NTRK2: variants seen among roughly 807,000 people sequenced by gnomAD.
The protein encoded by NTRK2 is neurotrophic receptor tyrosine kinase 2, also known as BDNF/NT-3 growth factors receptor.
A neutral mutation model predicts 94.5 loss-of-function variants in NTRK2; 13 were observed. The ratio of observed to expected loss-of-function variants is 0.14; its 90% CI spans 0.09 to 0.22. The LOEUF is 0.22. Ranked by LOEUF, NTRK2 falls within the 10% of genes least tolerant of loss-of-function variation. The pLI, the probability that NTRK2 is intolerant of heterozygous loss-of-function variation, is 1.00. For missense variants in NTRK2, 639 were observed against 1,071.2 expected (o/e 0.60, Z 5.63); for synonymous variants, 372 against 407.4 (o/e 0.91, Z 1.05).
In NTRK2 at chr9:84,937,774, C is replaced by T. The variant is rs143971228; in HGVS notation, c.1764+3482C>T. 5.9e-5 allele frequency among the ~76,000 whole-genome samples: 9 copies of T among 152,306 alleles called. No homozygotes were observed. In the East Asian group the frequency reaches 1.2e-3, roughly 20 times the overall value. The stretch of plus-strand genomic sequence containing the variant: ...TTAAGTAAGTCAATTGCCAAGGAAA[C>T]GCTTCATCGCAGTTTCCCTGCATTA... On this transcript the variant is annotated intron_variant, in intron 15 of 18. Coordinates refer to ENST00000277120, the MANE Select transcript of NTRK2 (RefSeq NM_006180.6).
At chr9:84,925,763 A>G (rs1433522039) in intron 14 of NTRK2, among the ~76,000 whole-genome samples, 1 of 152,212 alleles carries the variant, frequency 6.6e-6, no homozygotes, top group Non-Finnish European at 1.5e-5. Flanking sequence ...TTCTAGTGCT[A>G]TGCCCTCACT....
chr9:84,785,722 T>C (rs766126238), intron 12 of NTRK2, among the ~76,000 whole-genome samples: 1 of 152,236 alleles, frequency 6.6e-6, no homozygotes, highest in Non-Finnish European at 1.5e-5. Flanking sequence ...AATTGTGTAC[T>C]GCACCTTATT....
chr9:85,017,741 A>G (rs1240972247), intron 17 of NTRK2, among the ~76,000 whole-genome samples: 1 of 152,208 alleles, frequency 6.6e-6, no homozygotes, highest in Non-Finnish European at 1.5e-5. Context: ...CAACTCAGAC[A>G]GCATAACAAG....
chr9:84,966,019 C>G (rs983151883), intron 17 of NTRK2, among the ~76,000 whole-genome samples: 3 of 152,174 alleles, frequency 2.0e-5, no homozygotes, highest in Non-Finnish European at 2.9e-5. Flanking sequence ...CAGTGGCTTT[C>G]CCTGTTGATC....
intron 14 of NTRK2, among the ~76,000 whole-genome samples, chr9:84,911,035 A>G (rs1159941435): frequency 1.3e-5 from 2 of 152,168 alleles, no homozygotes; most frequent in African/African-American, 4.8e-5. Context: ...TGAACATAGT[A>G]TGTTTCTTAT....
intron 17 of NTRK2, among the ~76,000 whole-genome samples, chr9:85,017,973 G>A (rs1193018684): frequency 6.6e-6 from 1 of 152,162 alleles, no homozygotes; most frequent in Non-Finnish European, 1.5e-5. Flanking sequence ...AAAATAAGAT[G>A]TATAGCAGAA....
intron 9 of NTRK2, among the ~76,000 whole-genome samples, chr9:84,731,315 A>G (rs2062876005): frequency 6.6e-6 from 1 of 152,162 alleles, no homozygotes. Flanking sequence ...GTGTGCCTGT[A>G]GTCCCAGCTA....
intron 12 of NTRK2, chr9:84,813,483 C>G (rs200100030): frequency 1.9e-6 from 2 of 1,064,920 alleles, no homozygotes; most frequent in African/African-American, 3.3e-5. Context: ...TCTGTCTTCC[C>G]GTTGCAAATT....
chr9:84,799,244 G>GA (rs2070076207), intron 12 of NTRK2, among the ~76,000 whole-genome samples: 1 of 152,024 alleles, frequency 6.6e-6, no homozygotes, highest in South Asian at 2.1e-4. Context: ...GATCTACTCT[G>GA]TGCCTTCAAG....
intron 14 of NTRK2, among the ~76,000 whole-genome samples, chr9:84,904,048 A>C (rs1485471777): frequency 1.3e-5 from 2 of 152,100 alleles, no homozygotes; most frequent in Admixed American, 6.5e-5. Flanking sequence ...TCTCCTTTTA[A>C]ATCCGAAGTT....
At chr9:84,956,194 TC>T (rs1170860049) in intron 17 of NTRK2, among the ~76,000 whole-genome samples, 1 of 152,164 alleles carries the variant, frequency 6.6e-6, no homozygotes, top group Non-Finnish European at 1.5e-5. Context: ...CTTTGGAAGT[TC>T]CCTCCAAGCG....
At chr9:84,692,468 C>CTTTTTTTTTTTTTTTTTTTTTTTTTT (rs71369138) in intron 2 of NTRK2, among the ~76,000 whole-genome samples, 43 of 87,648 alleles carry the variant, frequency 4.9e-4, no homozygotes, top group Non-Finnish European at 6.0e-4. Context: ...TTCTTTTTTT[C>CTTTTTTTTTTTTTTTTTTTTTTTTTT]TTTTTTTTTT....
chr9:84,842,566 G>A (rs890801031), intron 12 of NTRK2, among the ~76,000 whole-genome samples: 6 of 152,056 alleles, frequency 3.9e-5, no homozygotes, highest in African/African-American at 1.4e-4. Context: ...TCCACCCATA[G>A]TGCTGCTTCC....
chr9:85,021,687 T>C lies in NTRK2; in HGVS notation c.*250T>C. 1 of 531,180 alleles carries C rather than the reference T, an allele frequency of 1.9e-6. No homozygotes were observed. Among genetic ancestry groups the C allele is most frequent in the Non-Finnish European group, 3.3e-6 (1 of 302,880 alleles). The allele number at this position is 531,180 out of a possible 1,614,324, so 32.9% of individuals were successfully genotyped here. A position where few individuals can be genotyped will look rare whatever the true frequency, so the allele number is the denominator to read the frequency against. On this transcript the variant is annotated 3_prime_UTR_variant, in exon 19 of 19. Transcript: ENST00000277120. ...CCCTTGGTTGTTCCTTTTTCTTTTTTTAAATTTTCTTTTTCTTTTTTTTTT... is the reference window on the plus strand; with the variant it reads ...CCCTTGGTTGTTCCTTTTTCTTTTTCTAAATTTTCTTTTTCTTTTTTTTTT...
chr9:84,684,662 TTTG>T (rs1364505436), intron 2 of NTRK2, among the ~76,000 whole-genome samples: 1 of 152,228 alleles, frequency 6.6e-6, no homozygotes, highest in African/African-American at 2.4e-5. Context: ...TCGTTGAACT[TTTG>T]TTATCAAACC....
intron 14 of NTRK2, among the ~76,000 whole-genome samples, chr9:84,871,512 C>G (rs1013956275): frequency 6.6e-6 from 1 of 152,112 alleles, no homozygotes; most frequent in African/African-American, 2.4e-5. Context: ...GTGGTTTGTC[C>G]AGAGTGACAC....
intron 17 of NTRK2, among the ~76,000 whole-genome samples, chr9:85,005,295 T>C (rs904388639): frequency 1.3e-5 from 2 of 152,182 alleles, no homozygotes; most frequent in Non-Finnish European, 2.9e-5. Flanking sequence ...GGGGAAGTGA[T>C]GCAAAATGAA....
chr9:84,963,810 T>C (rs1447186168), intron 17 of NTRK2, among the ~76,000 whole-genome samples: 4 of 152,224 alleles, frequency 2.6e-5, no homozygotes, highest in African/African-American at 9.6e-5. Flanking sequence ...GTGTTTCATT[T>C]TGGATAGTTT....
intron 12 of NTRK2, among the ~76,000 whole-genome samples, chr9:84,845,193 A>G (rs1587644769): frequency 6.6e-6 from 1 of 152,184 alleles, no homozygotes; most frequent in Non-Finnish European, 1.5e-5. Context: ...TTGCAAAGAT[A>G]TGAAACCAGC....
Sources: allele counts gnomAD v4.1 joint callset (sites outside exome capture counted in the v4.1 genomes callset), GRCh38; gene constraint gnomAD v4.1.1; transcripts MANE v1.5; gene names NCBI Gene and HGNC (gene_info 2026-07-23, HGNC 2026-07-21).